Variants in PARD3 observed in about 807,000 individuals in gnomAD.
The protein encoded by PARD3 is par-3 family cell polarity regulator, also known as partitioning defective 3 homolog.
Under a neutral mutation model 155.4 loss-of-function variants are expected in PARD3, and 75 were observed. The observed-to-expected ratio is 0.48, with a 90% CI of 0.40 to 0.58. PARD3 has a LOEUF of 0.58. Ranked by LOEUF, PARD3 falls within the 20% of genes least tolerant of loss-of-function variation. The pLI, the probability that PARD3 is intolerant of heterozygous loss-of-function variation, is 0.00. For synonymous variants in PARD3, 576 were observed against 610.5 expected (o/e 0.94, Z 0.83); for missense variants, 1,642 against 1,721.7 (o/e 0.95, Z 0.82).
chr10:34,277,734 C>T (rs548722565), intron 21 of PARD3, among the ~76,000 whole-genome samples: 9 of 152,114 alleles, frequency 5.9e-5, no homozygotes, highest in South Asian at 2.1e-4. Context: ...AAATACAAAA[C>T]GGTTAAAAGT....
chr10:34,779,282 G>T (rs1839962077), intron 1 of PARD3, among the ~76,000 whole-genome samples: 1 of 150,602 alleles, frequency 6.6e-6, no homozygotes, highest in Non-Finnish European at 1.5e-5. Flanking sequence ...CTCCAGCCTG[G>T]GTGAAAGAGC....
At chr10:34,133,292 T>C (rs1467841527) in intron 22 of PARD3, among the ~76,000 whole-genome samples, 5 of 152,098 alleles carry the variant, frequency 3.3e-5, no homozygotes, top group African/African-American at 4.8e-5. Flanking sequence ...CCGGCTCCCG[T>C]ACCTGTACAT....
chr10:34,620,558 C>A (rs570977632), intron 2 of PARD3, among the ~76,000 whole-genome samples: 18 of 152,294 alleles, frequency 1.2e-4, no homozygotes, highest in Non-Finnish European at 2.1e-4. Context: ...GTTTGATGAA[C>A]AAAACAGTAA....
At chr10:34,434,815 A>G (rs1308612495) in intron 5 of PARD3, among the ~76,000 whole-genome samples, 1 of 152,222 alleles carries the variant, frequency 6.6e-6, no homozygotes, top group Non-Finnish European at 1.5e-5. Flanking sequence ...AAAAGGTGCA[A>G]TATCAGGATC....
At chr10:34,592,271 T>C (rs761739564) in intron 2 of PARD3, among the ~76,000 whole-genome samples, 1 of 152,226 alleles carries the variant, frequency 6.6e-6, no homozygotes, top group Non-Finnish European at 1.5e-5. Context: ...ATAAATTCTA[T>C]GAGAACAGGT....
At chr10:34,638,733 C>T (rs2092569276) in intron 2 of PARD3, among the ~76,000 whole-genome samples, 1 of 152,194 alleles carries the variant, frequency 6.6e-6, no homozygotes, top group South Asian at 2.1e-4. Context: ...AACAGCTCAA[C>T]TATTTATCCT....
At chr10:34,270,254 T>G (rs1955550859) in intron 21 of PARD3, among the ~76,000 whole-genome samples, 1 of 151,848 alleles carries the variant, frequency 6.6e-6, no homozygotes, top group African/African-American at 2.4e-5. Flanking sequence ...GTGATTCTTG[T>G]GCCCTAGCCT....
Position 34,676,357 on chromosome 10 carries a change from G to C in PARD3, c.222+19961C>G, listed in dbSNP as rs141185199. On this transcript the variant is annotated intron_variant, in intron 2 of 24. Transcript: ENST00000374788. ...TGAAGAGAGGATGGTTCCTGCTTGA[G>C]GGGGAAAAAGTCTGTCTTTCTTAGC... is the stretch of plus-strand genomic sequence containing the variant. Among the ~76,000 whole-genome samples the C allele has an allele frequency of 1.5e-3, 221 of 152,184 alleles. 1 individual carries two copies. Among genetic ancestry groups the C allele is most frequent in the African/African-American group, 5.2e-3 (218 of 41,536 alleles).
intron 19 of PARD3, among the ~76,000 whole-genome samples, chr10:34,318,240 TA>T (rs1958140221): frequency 2.0e-5 from 3 of 152,140 alleles, no homozygotes; most frequent in Admixed American, 1.3e-4. Flanking sequence ...ATTTCTCTAT[TA>T]AATAAGAAGC....
At chr10:34,356,343 G>A (rs1244663453) in intron 14 of PARD3, among the ~76,000 whole-genome samples, 2 of 152,042 alleles carry the variant, frequency 1.3e-5, no homozygotes, top group Non-Finnish European at 2.9e-5. Context: ...AGAACAGCCT[G>A]GACAACATAG....
At chr10:34,230,587 A>G (rs751717228) in intron 22 of PARD3, among the ~76,000 whole-genome samples, 2 of 152,138 alleles carry the variant, frequency 1.3e-5, no homozygotes, top group Non-Finnish European at 2.9e-5. Flanking sequence ...TCAACTGAAT[A>G]CTGAGGATGT....
intron 23 of PARD3, among the ~76,000 whole-genome samples, chr10:34,123,513 C>G (rs1034042404): frequency 3.9e-5 from 6 of 152,206 alleles, no homozygotes; most frequent in African/African-American, 1.4e-4. Flanking sequence ...ACAATTACAG[C>G]TCACTGCAGC....
intron 22 of PARD3, among the ~76,000 whole-genome samples, chr10:34,182,150 G>T (rs1355438851): frequency 6.6e-6 from 1 of 152,152 alleles, no homozygotes; most frequent in Non-Finnish European, 1.5e-5. Flanking sequence ...CTGGGAGGAG[G>T]AGTCCGAGCG....
chr10:34,171,232 T>C (rs996957961), intron 22 of PARD3, among the ~76,000 whole-genome samples: 1 of 152,168 alleles, frequency 6.6e-6, no homozygotes, highest in African/African-American at 2.4e-5. Flanking sequence ...GGTTAACGGA[T>C]CTTTTACATT....
At chr10:34,735,002 AAC>A (rs2071691258) in intron 1 of PARD3, among the ~76,000 whole-genome samples, 1 of 151,392 alleles carries the variant, frequency 6.6e-6, no homozygotes, top group African/African-American at 2.4e-5. Flanking sequence ...AAAAAAAAAA[AAC>A]CCCAAGAGCA....
rs546662885 is a variant in PARD3 at position 34,141,389 on chromosome 10, C to A, written c.3420-9806G>T. On this transcript the variant is annotated intron_variant, in intron 22 of 24. Coordinates refer to ENST00000374788, the MANE Select transcript of PARD3 (RefSeq NM_001184785.2). ...CCCATGATTTGTTGTCCATTTCACACCAATTTCAGTGTAATAAATCATAAC... is the reference window on the plus strand; with the variant it reads ...CCCATGATTTGTTGTCCATTTCACAACAATTTCAGTGTAATAAATCATAAC... Among the ~76,000 whole-genome samples, 4 of 152,288 alleles carry A rather than the reference C, an allele frequency of 2.6e-5. No individual in the cohort carries two copies. The East Asian group carries it at 5.8e-4, about 22-fold the overall frequency.
intron 18 of PARD3, among the ~76,000 whole-genome samples, chr10:34,334,632 C>T (rs1466509000): frequency 6.6e-6 from 1 of 150,834 alleles, no homozygotes; most frequent in Non-Finnish European, 1.5e-5. Context: ...GTATTTTATT[C>T]ATTTAGATGT....
In PARD3 at chr10:34,368,394, C is replaced by T. The variant is rs148839910; in HGVS notation, c.1707+4104G>A. ...ACAGGCAAAGAAGGTGAGAGCAGGC[C>T]GGGCGCGGTGGCTCACGCGTGTAAT... On this transcript the variant is annotated intron_variant, in intron 12 of 24. Transcript: ENST00000374788. 3.9e-3 allele frequency among the ~76,000 whole-genome samples: 590 copies of T among 152,062 alleles called. 3 individuals are homozygous for T. The highest frequency in any genetic ancestry group is 0.027 in the South Asian group (132 of 4,802).
At chr10:34,227,187 A>C (rs1952642003) in intron 22 of PARD3, among the ~76,000 whole-genome samples, 1 of 152,246 alleles carries the variant, frequency 6.6e-6, no homozygotes, top group Non-Finnish European at 1.5e-5. Context: ...CAGCTCCATT[A>C]AGAAATGGGC....
Sources: gnomAD v4.1 joint callset for allele counts (sites outside exome capture counted in the v4.1 genomes callset) on GRCh38, gnomAD v4.1.1 for gene constraint, MANE v1.5 for transcripts, NCBI Gene and HGNC (gene_info 2026-07-23, HGNC 2026-07-21) for gene names.